Variants in RORA observed in about 807,000 individuals in gnomAD.
RORA encodes nuclear receptor ROR-alpha.
In RORA, 7 loss-of-function variants were observed where a neutral mutation model predicts 69.5. The observed-to-expected ratio is 0.10, with a 90% CI of 0.06 to 0.19. The LOEUF (loss-of-function observed/expected upper bound fraction) is 0.19, where lower values mean the gene tolerates loss of function less well. RORA is among the 10% of genes least tolerant of loss of function. The pLI, the probability that RORA is intolerant of heterozygous loss-of-function variation, is 1.00. For synonymous variants in RORA, 261 were observed against 240.8 expected (o/e 1.08, Z -0.78); for missense variants, 457 against 663.0 (o/e 0.69, Z 3.41).
rs190719647 is a variant in RORA, at chr15:61,088,728, C to T, written c.166+140325G>A. Reference sequence around the variant, plus strand: ...GTAAACTAGTAAACTAACAACGAAGCCACCAGGGAAGAAAAACACTCATTC... The same window carrying T: ...GTAAACTAGTAAACTAACAACGAAGTCACCAGGGAAGAAAAACACTCATTC... On this transcript the variant is annotated intron_variant, in intron 1 of 10. Transcript: ENST00000335670. Among the ~76,000 whole-genome samples the T allele has an allele frequency of 3.9e-5, 6 of 152,144 alleles. No individual in the cohort carries two copies. The East Asian group carries it at 1.2e-3, about 29-fold the overall frequency.
intron 1 of RORA, among the ~76,000 whole-genome samples, chr15:60,836,866 GGCT>G (rs1302185354): frequency 6.6e-6 from 1 of 152,104 alleles, no homozygotes; most frequent in Non-Finnish European, 1.5e-5. Flanking sequence ...TCCTAGGTTA[GGCT>G]GTCCATGTCT....
chr15:60,783,028 T>C (rs1345927191), intron 1 of RORA, among the ~76,000 whole-genome samples: 2 of 152,222 alleles, frequency 1.3e-5, no homozygotes, highest in Non-Finnish European at 2.9e-5. Flanking sequence ...CAAATTGTAC[T>C]ACTGCCTTTA....
chr15:60,728,379 T>C (rs2071390840), intron 1 of RORA, among the ~76,000 whole-genome samples: 1 of 152,158 alleles, frequency 6.6e-6, no homozygotes, highest in Admixed American at 6.5e-5. Flanking sequence ...CAATACAGGA[T>C]AGGAATTATA....
At chr15:61,066,267 T>G (rs1248167223) in intron 1 of RORA, among the ~76,000 whole-genome samples, 2 of 152,102 alleles carry the variant, frequency 1.3e-5, no homozygotes, top group Non-Finnish European at 2.9e-5. Context: ...TATGTGTTCA[T>G]TAGCCGTAAT....
chr15:60,909,819 G>C (rs1891651995), intron 1 of RORA, among the ~76,000 whole-genome samples: 1 of 152,348 alleles, frequency 6.6e-6, no homozygotes, highest in Admixed American at 6.5e-5. Context: ...CCAAGATTGA[G>C]AACGCCTACC....
intron 1 of RORA, among the ~76,000 whole-genome samples, chr15:60,781,258 C>A (rs988304025): frequency 6.6e-6 from 1 of 152,052 alleles, no homozygotes; most frequent in Non-Finnish European, 1.5e-5. Flanking sequence ...CTCTGGTGCC[C>A]GCAGCTTTCA....
At chr15:61,093,532 G>A (rs1209463869) in intron 1 of RORA, among the ~76,000 whole-genome samples, 2 of 152,190 alleles carry the variant, frequency 1.3e-5, no homozygotes, top group Non-Finnish European at 2.9e-5. Context: ...AAGTTACTTC[G>A]GTCACAGGGG....
chr15:60,878,311 T>C (rs1461324250), intron 1 of RORA, among the ~76,000 whole-genome samples: 1 of 118,348 alleles, frequency 8.4e-6, no homozygotes, highest in Non-Finnish European at 1.6e-5. Flanking sequence ...GGCATTGCAC[T>C]CCAGCCTGGG....
intron 2 of RORA, among the ~76,000 whole-genome samples, chr15:60,542,582 A>C (rs1196246863): frequency 7.1e-6 from 1 of 141,100 alleles, no homozygotes; most frequent in East Asian, 2.1e-4. Context: ...ACGCATGCAC[A>C]CCTCACACAC....
chr15:60,871,461 T>C (rs1335523094), intron 1 of RORA, among the ~76,000 whole-genome samples: 1 of 152,226 alleles, frequency 6.6e-6, no homozygotes, highest in African/African-American at 2.4e-5. Flanking sequence ...ATGTGCATAA[T>C]GTGTTTCAAG....
intron 2 of RORA, chr15:60,556,802 G>T: frequency 7.3e-7 from 1 of 1,373,156 alleles, no homozygotes; most frequent in Non-Finnish European, 1.0e-6. Flanking sequence ...CTTCCTAAAA[G>T]CCTTCGTAAA....
chr15:60,652,838 A>G (rs1382669069), intron 2 of RORA, among the ~76,000 whole-genome samples: 2 of 152,192 alleles, frequency 1.3e-5, no homozygotes, highest in African/African-American at 4.8e-5. Context: ...CATTTTTAGA[A>G]AAATCAAAAT....
intron 1 of RORA, among the ~76,000 whole-genome samples, chr15:60,835,757 G>T (rs909637307): frequency 2.0e-5 from 3 of 152,156 alleles, no homozygotes; most frequent in Non-Finnish European, 2.9e-5. Flanking sequence ...CTATTGAATC[G>T]TTACGATCCT....
intron 1 of RORA, among the ~76,000 whole-genome samples, chr15:60,713,792 G>A (rs572307066): frequency 6.6e-6 from 1 of 152,160 alleles, no homozygotes; most frequent in Non-Finnish European, 1.5e-5. Context: ...CATCTATGAA[G>A]GGCTCAATAC....
At chr15:61,217,838 C>A (rs2080054523) in intron 1 of RORA, among the ~76,000 whole-genome samples, 1 of 152,144 alleles carries the variant, frequency 6.6e-6, no homozygotes, top group Non-Finnish European at 1.5e-5. Context: ...TATTAATGAG[C>A]ATGTGCTAAA....
chr15:60,844,165 C>T (rs2073236021), intron 1 of RORA, among the ~76,000 whole-genome samples: 1 of 152,146 alleles, frequency 6.6e-6, no homozygotes, highest in South Asian at 2.1e-4. Flanking sequence ...GTTCCTGGCA[C>T]CTCTCTGCCC....
chr15:60,497,368 G>T lies in RORA; in HGVS notation c.*87C>A. On this transcript the variant is annotated 3_prime_UTR_variant, in exon 11 of 11. Coordinates refer to ENST00000335670, the MANE Select transcript of RORA (RefSeq NM_134261.3). ...GTGTGTGGCGCTCCAGGTCTGTGCA[G>T]GGCCATATAAAGTGTCTCGGTTAAT... The T allele has an allele frequency of 8.5e-7, 1 of 1,175,126 alleles. No homozygotes were observed. The highest frequency in any genetic ancestry group is 2.4e-5 in the East Asian group (1 of 41,590). The allele number at this position is 1,175,126 out of a possible 1,614,324, so 72.8% of individuals were successfully genotyped here.
rs985440747 is a variant in RORA at position 61,167,914 on chromosome 15, G to A, written c.166+61139C>T. On this transcript the variant is annotated intron_variant, in intron 1 of 10. Transcript: ENST00000335670. ...GCACATTCACACAGATGCAAAGATG[G>A]TTCTAACATTTCTTGCTTCTGTATA... Among the ~76,000 whole-genome samples, 3 of 152,254 alleles carry A rather than the reference G, an allele frequency of 2.0e-5. No individual in the cohort carries two copies. The East Asian group carries it at 5.8e-4, about 29-fold the overall frequency.
chr15:61,170,871 T>G (rs909251013), intron 1 of RORA, among the ~76,000 whole-genome samples: 1 of 152,200 alleles, frequency 6.6e-6, no homozygotes, highest in Non-Finnish European at 1.5e-5. Flanking sequence ...TTTTACAGTT[T>G]CATATCCTCA....
Sources: allele counts gnomAD v4.1 joint callset (sites outside exome capture counted in the v4.1 genomes callset), GRCh38; gene constraint gnomAD v4.1.1; transcripts MANE v1.5; gene names NCBI Gene and HGNC (gene_info 2026-07-23, HGNC 2026-07-21).